Variants in CATSPERT observed in about 807,000 individuals in gnomAD.
CATSPERT encodes cation channel sperm-associated targeting subunit tau.
At chr2:201,573,650 A>G in the CATSPERT span, among the ~76,000 whole-genome samples, 1 of 152,190 alleles carries the variant, frequency 6.6e-6, no homozygotes, top group Non-Finnish European at 1.5e-5. Flanking sequence ...CACAAATAAA[A>G]GCAAGTTTTA....
chr2:201,567,061 A>G, the CATSPERT span, among the ~76,000 whole-genome samples: 1 of 152,228 alleles, frequency 6.6e-6, no homozygotes, highest in East Asian at 1.9e-4. Context: ...TTAGATTCTT[A>G]AACTCTATTC....
At chr2:201,494,894 C>A in the CATSPERT span, 2 of 777,566 alleles carry the variant, frequency 2.6e-6, no homozygotes, top group East Asian at 6.7e-5. Context: ...GGGAGAAAAT[C>A]AACTTTAATT....
the CATSPERT span, chr2:201,493,244 T>A: frequency 6.5e-7 from 1 of 1,536,700 alleles, no homozygotes; most frequent in Non-Finnish European, 8.7e-7. Flanking sequence ...TGACCATTTC[T>A]TGGCAAATAC....
the CATSPERT span, among the ~76,000 whole-genome samples, chr2:201,615,690 A>T: frequency 3.9e-5 from 6 of 152,224 alleles, no homozygotes; most frequent in African/African-American, 1.4e-4. Context: ...AGCAGAAGGC[A>T]AGAAATAACT....
chr2:201,567,269 A>C, the CATSPERT span, among the ~76,000 whole-genome samples: 1 of 152,014 alleles, frequency 6.6e-6, no homozygotes, highest in Non-Finnish European at 1.5e-5. Context: ...ATCTCCAGTC[A>C]CTTCCTAATT....
chr2:201,553,681 G>A, the CATSPERT span: 1 of 152,124 alleles, frequency 6.6e-6, no homozygotes, highest in African/African-American at 2.4e-5. Flanking sequence ...GTCTAAGCTG[G>A]AAAATAATAA....
the CATSPERT span, among the ~76,000 whole-genome samples, chr2:201,569,602 C>A: frequency 6.6e-6 from 1 of 152,156 alleles, no homozygotes; most frequent in Non-Finnish European, 1.5e-5. Context: ...CAGGGAAGAG[C>A]AATCACAGAG....
At chr2:201,582,234 A>G in the CATSPERT span, 7 of 1,576,856 alleles carry the variant, frequency 4.4e-6, no homozygotes, top group East Asian at 4.6e-5. Context: ...ATCAAAATAT[A>G]TAAGAAAAGA....
At chr2:201,612,991 C>T in the CATSPERT span, among the ~76,000 whole-genome samples, 1 of 152,326 alleles carries the variant, frequency 6.6e-6, no homozygotes, top group Non-Finnish European at 1.5e-5. Flanking sequence ...AAGGCAGCAG[C>T]AAGGCTGGGG....
the CATSPERT span, chr2:201,553,609 T>C: frequency 7.2e-5 from 11 of 152,244 alleles, no homozygotes; most frequent in East Asian, 1.9e-4. Context: ...TTTCTGTCTA[T>C]TGATGAAGTT....
chr2:201,619,103 G>C, the CATSPERT span: 2 of 1,614,082 alleles, frequency 1.2e-6, no homozygotes, highest in Admixed American at 1.7e-5. Flanking sequence ...GTGCTGAAAG[G>C]CCTATTTGTC....
At chr2:201,504,174 A>T in the CATSPERT span, among the ~76,000 whole-genome samples, 4 of 152,202 alleles carry the variant, frequency 2.6e-5, no homozygotes, top group Non-Finnish European at 4.4e-5. Context: ...GTACCCTACC[A>T]GTTCGCCTCT....
the CATSPERT span, chr2:201,492,251 T>C: frequency 1.8e-4 from 266 of 1,519,362 alleles, no homozygotes; most frequent in Non-Finnish European, 2.3e-4. Context: ...TGTGTTTTTA[T>C]ATATTTTAAT....
the CATSPERT span, chr2:201,547,624 TAA>T: frequency 3.4e-5 from 47 of 1,395,240 alleles, no homozygotes; most frequent in Non-Finnish European, 4.4e-5. Flanking sequence ...AAGAAAGAAA[TAA>T]GTTATGAATG....
the CATSPERT span, among the ~76,000 whole-genome samples, chr2:201,605,018 C>CT: frequency 6.6e-6 from 1 of 151,792 alleles, no homozygotes; most frequent in Admixed American, 6.6e-5. Flanking sequence ...ATAGGAGATA[C>CT]TTTGAGTCTG....
chr2:201,547,665 T>C, the CATSPERT span: 4 of 894,190 alleles, frequency 4.5e-6, no homozygotes, highest in African/African-American at 1.7e-5. Flanking sequence ...AGAATACATA[T>C]GGTATGATTC....
chr2:201,609,944 C>T, the CATSPERT span, among the ~76,000 whole-genome samples: 3 of 152,016 alleles, frequency 2.0e-5, no homozygotes, highest in African/African-American at 7.2e-5. Flanking sequence ...AAGAGAACCT[C>T]AAATAAACAA....
At chr2:201,501,103 A>G in the CATSPERT span, among the ~76,000 whole-genome samples, 1 of 152,118 alleles carries the variant, frequency 6.6e-6, no homozygotes, top group Non-Finnish European at 1.5e-5. Context: ...ACACTAAAAA[A>G]GAGAAAGATC....
chr2:201,493,826 T>C, the CATSPERT span: 5 of 1,536,144 alleles, frequency 3.3e-6, no homozygotes, highest in Non-Finnish European at 4.4e-6. Flanking sequence ...TTTTTGGTAC[T>C]ACTATTTTTT....
Sources: allele counts gnomAD v4.1 joint callset (sites outside exome capture counted in the v4.1 genomes callset), GRCh38; gene constraint gnomAD v4.1.1; transcripts MANE v1.5; gene names NCBI Gene and HGNC (gene_info 2026-07-23, HGNC 2026-07-21).